Variants in MDGA2 observed in about 807,000 individuals in gnomAD.
MDGA2 encodes MAM domain containing glycosylphosphatidylinositol anchor 2.
In MDGA2, 40 loss-of-function variants were observed where a neutral mutation model predicts 117.8. The ratio of observed to expected loss-of-function variants is 0.34; its 90% confidence interval spans 0.26 to 0.44. The LOEUF (loss-of-function observed/expected upper bound fraction) is 0.44, where lower values mean the gene tolerates loss of function less well. MDGA2 is among the 20% of genes least tolerant of loss of function. The pLI is 1.00. For synonymous variants in MDGA2, 452 were observed against 439.0 expected (o/e 1.03, Z -0.37); for missense variants, 1,123 against 1,250.6 (o/e 0.90, Z 1.54).
intron 1 of MDGA2, among the ~76,000 whole-genome samples, chr14:47,556,987 T>C (rs534451409): frequency 6.6e-6 from 1 of 152,290 alleles, no homozygotes; most frequent in South Asian, 2.1e-4. Context: ...CAAAGACACA[T>C]GTATCCAGTG....
intron 1 of MDGA2, among the ~76,000 whole-genome samples, chr14:47,488,266 G>C (rs1206560088): frequency 6.6e-6 from 1 of 152,086 alleles, no homozygotes; most frequent in Non-Finnish European, 1.5e-5. Flanking sequence ...CCAAACTATA[G>C]TAAGTAAAAT....
intron 3 of MDGA2, among the ~76,000 whole-genome samples, chr14:47,146,585 T>C (rs1882953399): frequency 6.6e-6 from 1 of 152,224 alleles, no homozygotes; most frequent in African/African-American, 2.4e-5. Flanking sequence ...GAATTTAGCC[T>C]TAGTGACTTG....
At chr14:47,154,752 T>A (rs1415834828) in intron 3 of MDGA2, among the ~76,000 whole-genome samples, 1 of 152,110 alleles carries the variant, frequency 6.6e-6, no homozygotes, top group Non-Finnish European at 1.5e-5. Flanking sequence ...TGAGGGCCAC[T>A]CGGCACCGGC....
intron 3 of MDGA2, among the ~76,000 whole-genome samples, chr14:47,202,269 T>C (rs1366420368): frequency 2.0e-5 from 3 of 152,196 alleles, no homozygotes; most frequent in Non-Finnish European, 4.4e-5. Context: ...AACAACTGTA[T>C]AGATATCATC....
At chr14:47,059,233 T>C (rs778325253) in intron 7 of MDGA2, 3 of 982,556 alleles carry the variant, frequency 3.1e-6, no homozygotes, top group Non-Finnish European at 4.2e-6. Flanking sequence ...ATTGAGATTA[T>C]AGCAATGAGT....
chr14:46,870,550 G>A (rs1881954427), intron 14 of MDGA2, among the ~76,000 whole-genome samples: 1 of 151,916 alleles, frequency 6.6e-6, no homozygotes, highest in African/African-American at 2.4e-5. Context: ...TCTGGACCAG[G>A]TATTTTTGCC....
chr14:46,948,315 A>C (rs1300826597), intron 9 of MDGA2, among the ~76,000 whole-genome samples: 3 of 151,936 alleles, frequency 2.0e-5, no homozygotes, highest in South Asian at 2.1e-4. Flanking sequence ...GAGATCCCTA[A>C]ATATCTTGAC....
At chr14:47,612,253 T>C (rs1896864000) in intron 1 of MDGA2, among the ~76,000 whole-genome samples, 1 of 151,876 alleles carries the variant, frequency 6.6e-6, no homozygotes, top group Admixed American at 6.6e-5. Flanking sequence ...GATAGATAGA[T>C]AGATCTTCTG....
intron 7 of MDGA2, among the ~76,000 whole-genome samples, chr14:47,053,654 TACACAC>T (rs746996959): frequency 1.5e-5 from 1 of 67,266 alleles, no homozygotes; most frequent in Non-Finnish European, 3.1e-5. Flanking sequence ...TATATATATA[TACACAC>T]ACACACACAC....
At chr14:47,310,637 T>C (rs1889605638) in intron 1 of MDGA2, among the ~76,000 whole-genome samples, 1 of 152,072 alleles carries the variant, frequency 6.6e-6, no homozygotes, top group Non-Finnish European at 1.5e-5. Flanking sequence ...TTGGATCCTA[T>C]GCTACATCCT....
intron 1 of MDGA2, among the ~76,000 whole-genome samples, chr14:47,573,794 G>A (rs899451663): frequency 6.6e-6 from 1 of 152,112 alleles, no homozygotes. Flanking sequence ...TGGAAGGAGT[G>A]TTTTACAACT....
intron 8 of MDGA2, among the ~76,000 whole-genome samples, chr14:46,968,791 C>G (rs1357240364): frequency 6.7e-6 from 1 of 149,182 alleles, no homozygotes; most frequent in Non-Finnish European, 1.5e-5. Flanking sequence ...GAGCTGAGAT[C>G]GTGCCACTGC....
At chr14:47,160,289 CCCT>C (rs1883577900) in intron 3 of MDGA2, among the ~76,000 whole-genome samples, 1 of 152,172 alleles carries the variant, frequency 6.6e-6, no homozygotes, top group Non-Finnish European at 1.5e-5. Context: ...TAAAACTTCA[CCCT>C]GTCCCAGTCC....
intron 3 of MDGA2, among the ~76,000 whole-genome samples, chr14:47,205,230 ACT>A (rs975331489): frequency 2.0e-5 from 3 of 151,566 alleles, no homozygotes; most frequent in Non-Finnish European, 4.4e-5. Context: ...TGCTAAGTCA[ACT>A]CTTTCTTGAC....
At chr14:47,214,625 T>C (rs1446791670) in intron 3 of MDGA2, among the ~76,000 whole-genome samples, 2 of 152,116 alleles carry the variant, frequency 1.3e-5, no homozygotes, top group Admixed American at 6.6e-5. Flanking sequence ...AAAATGTTAA[T>C]ATAGATATTA....
intron 1 of MDGA2, among the ~76,000 whole-genome samples, chr14:47,320,503 T>C (rs1277231053): frequency 6.6e-6 from 1 of 152,140 alleles, no homozygotes; most frequent in African/African-American, 2.4e-5. Context: ...CCGATACATC[T>C]ACCTATCCTT....
At chr14:46,973,804 A>T (rs1415949131) in intron 8 of MDGA2, among the ~76,000 whole-genome samples, 1 of 152,168 alleles carries the variant, frequency 6.6e-6, no homozygotes. Flanking sequence ...ATTCCATGTT[A>T]AATAGCTGTT....
intron 1 of MDGA2, among the ~76,000 whole-genome samples, chr14:47,378,141 G>A (rs950831923): frequency 2.6e-5 from 4 of 152,190 alleles, no homozygotes; most frequent in African/African-American, 7.2e-5. Flanking sequence ...ACCTGCAGCT[G>A]AGGGTCCTGA....
At chr14:47,204,843 T>C (rs1233448506) in intron 3 of MDGA2, among the ~76,000 whole-genome samples, 21 of 152,018 alleles carry the variant, frequency 1.4e-4, no homozygotes, top group Admixed American at 1.4e-3. Flanking sequence ...ACAATTTTAC[T>C]ATGTACCAAT....
Sources: gnomAD v4.1 joint callset for allele counts (sites outside exome capture counted in the v4.1 genomes callset) on GRCh38, gnomAD v4.1.1 for gene constraint, MANE v1.5 for transcripts, NCBI Gene and HGNC (gene_info 2026-07-23, HGNC 2026-07-21) for gene names.